Variants in ZNF441 observed in about 807,000 individuals in gnomAD.
The protein encoded by ZNF441 is zinc finger protein 441.
A neutral mutation model predicts 64.5 loss-of-function variants in ZNF441; 25 were observed. The ratio of observed to expected loss-of-function variants is 0.39; its 90% CI spans 0.28 to 0.54. The LOEUF (loss-of-function observed/expected upper bound fraction) is 0.54, where lower values mean the gene tolerates loss of function less well. Among genes scored for constraint, ZNF441 ranks in the 20% least tolerant of loss-of-function variants. The pLI, the probability that ZNF441 is intolerant of heterozygous loss-of-function variation, is 0.70. For missense variants in ZNF441, 715 were observed against 843.3 expected (o/e 0.85, Z 1.88); for synonymous variants, 262 against 268.0 (o/e 0.98, Z 0.22).
rs1267749907 is a variant in ZNF441, at chr19:11,767,422, G to A, written c.3+226G>A. ...CGGCCCTGGCCCTGGAGGCCTGTCT[G>A]GGCAGCTCCGCGCCCGCAGTCCTGC... On this transcript the variant is annotated intron_variant, in intron 1 of 3. Transcript: ENST00000357901. The surrounding 1 kb of genome is among the most constrained non-coding windows in gnomAD (Gnocchi z 5.1). Among the ~76,000 whole-genome samples the A allele has an allele frequency of 6.6e-6, 1 of 152,266 alleles. No individual in the cohort carries two copies. Among genetic ancestry groups the A allele is most frequent in the Non-Finnish European group, 1.5e-5 (1 of 68,052 alleles).
chr19:11,780,465 T>C lies in ZNF441; in HGVS notation c.641T>C (p.Leu214Pro), dbSNP rs1251443740. The change falls in exon 4 of 4, where the codon CTT becomes CCT. Residue 214 changes from leucine (L) to proline (P), a missense_variant. Physicochemically the swap from Leu to Pro is moderately conservative, Grantham distance 98. Coordinates refer to ENST00000357901, the MANE Select transcript of ZNF441 (RefSeq NM_152355.3). ...AFIWPSLFHM[L>P]RRTHTEEKPY... ...ATTTGGCCTAGTTTATTTCATATGC[T>C]TAGAAGAACTCACACTGAAGAGAAA... 1.9e-6 allele frequency: 3 copies of C among 1,614,028 alleles called. No homozygotes were observed. The highest frequency in any genetic ancestry group is 2.5e-6 in the Non-Finnish European group (3 of 1,180,022).
At chr19:11,768,909 C>T (rs536490812) in intron 1 of ZNF441, among the ~76,000 whole-genome samples, 11 of 152,294 alleles carry the variant, frequency 7.2e-5, no homozygotes, top group Non-Finnish European at 1.2e-4. Flanking sequence ...GACAGGAAAA[C>T]CAACTCCACT....
intron 1 of ZNF441, among the ~76,000 whole-genome samples, chr19:11,769,061 G>A (rs1975293191): frequency 6.6e-6 from 1 of 152,176 alleles, no homozygotes. Flanking sequence ...CACCCATAGG[G>A]AGGTGGTGAA....
chr19:11,780,959 T>C lies in ZNF441; in HGVS notation c.1135T>C (p.Cys379Arg), dbSNP rs1975397110. Residue 379 changes from cysteine to arginine, a missense_variant, in exon 4 of 4, where the codon TGT (cysteine) becomes CGT (arginine). Cys to Arg is a radical substitution (Grantham distance 180). This residue lies in a region of ZNF441 where 316 missense variants were observed against 429.3 expected (regional missense o/e 0.74). Transcript: ENST00000357901. ...GAAAGCCTTTGATTCTCCCAGTTTA[T>C]GTCGAAGGCATGAAACAACTCATAC... ...CGKAFDSPSLCRRHETTHTGE... is the reference protein window; with the variant it reads ...CGKAFDSPSLRRRHETTHTGE... The C allele has an allele frequency of 6.2e-7, 1 of 1,613,678 alleles. No homozygotes were observed. The highest frequency in any genetic ancestry group is 1.3e-5 in the African/African-American group (1 of 74,874).
At chr19:11,776,071 C>T (rs1210537894) in intron 1 of ZNF441, among the ~76,000 whole-genome samples, 1 of 152,162 alleles carries the variant, frequency 6.6e-6, no homozygotes, top group East Asian at 1.9e-4. Context: ...GAAGCAGTTC[C>T]TGCCAAGCTT....
chr19:11,769,368 C>T (rs1190659271), intron 1 of ZNF441, among the ~76,000 whole-genome samples: 1 of 152,154 alleles, frequency 6.6e-6, no homozygotes, highest in African/African-American at 2.4e-5. Flanking sequence ...TGTATCACTG[C>T]CTGGCAATAC....
chr19:11,775,628 C>CTTT lies in ZNF441; in HGVS notation c.4-1968_4-1966dup, dbSNP rs34732395. On this transcript the variant is annotated intron_variant, in intron 1 of 3. Coordinates refer to ENST00000357901, the MANE Select transcript of ZNF441 (RefSeq NM_152355.3). The stretch of plus-strand genomic sequence containing the variant: ...ACAGGCATGAGCCACCGCGCCCAGC[C>CTTT]TTTTTTTTTTTTTTTTTGTGACGGA... 2.5e-4 allele frequency among the ~76,000 whole-genome samples: 28 copies of CTTT among 110,636 alleles called. 1 individual carries two copies. Among genetic ancestry groups the CTTT allele is most frequent in the African/African-American group, 6.9e-4 (18 of 26,146 alleles). 72.6% of individuals were successfully genotyped at this position (110,636 alleles called of 152,430 possible). A position where few individuals can be genotyped will look rare whatever the true frequency, so the allele number is the denominator to read the frequency against.
At position 11,767,264 on chromosome 19, in the gene ZNF441, C is replaced by T; in HGVS notation, c.3+68C>T. 1.9e-6 allele frequency: 3 copies of T among 1,550,552 alleles called. No individual in the cohort carries two copies. The highest frequency in any genetic ancestry group is 2.4e-5 in the South Asian group (2 of 84,082). Reference sequence around the variant, plus strand: ...ACTGGTTGGAACCGGCCGGAACCGGCTGTGGTGGCACCAGGTCTTCCCCGC... The same window carrying T: ...ACTGGTTGGAACCGGCCGGAACCGGTTGTGGTGGCACCAGGTCTTCCCCGC... On this transcript the variant is annotated intron_variant, in intron 1 of 3. Coordinates refer to ENST00000357901, the MANE Select transcript of ZNF441 (RefSeq NM_152355.3). This position sits in a 1 kb window ranked among gnomAD's most constrained non-coding sequence, Gnocchi z 5.1.
intron 1 of ZNF441, among the ~76,000 whole-genome samples, chr19:11,773,801 T>G (rs1456606050): frequency 6.6e-6 from 1 of 152,180 alleles, no homozygotes; most frequent in African/African-American, 2.4e-5. Flanking sequence ...TTGCATATAT[T>G]TATCCAAACC....
In ZNF441 at chr19:11,767,615, G is replaced by A. The variant is rs1216274707; in HGVS notation, c.3+419G>A. ...ATGGGGTGTTTAGGGGTGTGGACAG[G>A]GGCGGCTGGGGCGTGGGGTCGCTGG... On this transcript the variant is annotated intron_variant, in intron 1 of 3. Coordinates refer to ENST00000357901, the MANE Select transcript of ZNF441 (RefSeq NM_152355.3). This position sits in a 1 kb window ranked among gnomAD's most constrained non-coding sequence, Gnocchi z 5.1. Among the ~76,000 whole-genome samples the A allele has an allele frequency of 1.3e-5, 2 of 152,184 alleles. No individual in the cohort carries two copies. Among genetic ancestry groups the A allele is most frequent in the Admixed American group, 1.3e-4 (2 of 15,278 alleles).
chr19:11,769,922 C>T (rs1396052874), intron 1 of ZNF441, among the ~76,000 whole-genome samples: 1 of 152,112 alleles, frequency 6.6e-6, no homozygotes, highest in Non-Finnish European at 1.5e-5. Flanking sequence ...GATCTGCCCA[C>T]CTCGGCCTCC....
In ZNF441 at chr19:11,767,031, C is replaced by A; in HGVS notation, c.-163C>A. On this transcript the variant is annotated 5_prime_UTR_variant, in exon 1 of 4. Coordinates refer to ENST00000357901, the MANE Select transcript of ZNF441 (RefSeq NM_152355.3). This position sits in a 1 kb window ranked among gnomAD's most constrained non-coding sequence, Gnocchi z 5.1. ...CAGGCGCACTGACCGGAGGAGGGTG[C>A]AAGGTTCAAAGAGCCCGCCGAGTCT... The A allele has an allele frequency of 9.7e-7, 1 of 1,030,760 alleles. No individual in the cohort carries two copies. The highest frequency in any genetic ancestry group is 1.4e-6 in the Non-Finnish European group (1 of 701,424). 63.9% of individuals were successfully genotyped at this position (1,030,760 alleles called of 1,614,324 possible).
chr19:11,775,742 C>G (rs1278133638), intron 1 of ZNF441, among the ~76,000 whole-genome samples: 6 of 151,702 alleles, frequency 4.0e-5, no homozygotes, highest in African/African-American at 1.2e-4. Flanking sequence ...ATTCTTGTCC[C>G]TAAGCCTCTC....
At chr19:11,773,108 A>G (rs12982845) in intron 1 of ZNF441, among the ~76,000 whole-genome samples, 73,601 of 151,916 alleles carry the variant, frequency 0.48, 19,179 homozygotes, top group African/African-American at 0.7. Flanking sequence ...AATTCTTTAC[A>G]TTTCCTTCTA....
At chr19:11,769,997 AT>A (rs1213529203) in intron 1 of ZNF441, among the ~76,000 whole-genome samples, 1 of 152,018 alleles carries the variant, frequency 6.6e-6, no homozygotes, top group East Asian at 1.9e-4. Flanking sequence ...TGATTTGCAG[AT>A]GGCATTCTTC....
In ZNF441 at chr19:11,777,757, T is replaced by C; in HGVS notation, c.130+20T>C. ...GTATAGGTAAGGATGTCATCATGTC[T>C]TCACTTAGTCAATTAGAGACATTTG... On this transcript the variant is annotated intron_variant, in intron 2 of 3. Coordinates refer to ENST00000357901, the MANE Select transcript of ZNF441 (RefSeq NM_152355.3). 1 of 1,594,060 alleles carries C rather than the reference T, an allele frequency of 6.3e-7. No homozygotes were observed. The highest frequency in any genetic ancestry group is 8.5e-7 in the Non-Finnish European group (1 of 1,173,404).
At position 11,767,111 on chromosome 19, in the gene ZNF441, C is replaced by T; in HGVS notation, c.-83C>T. 6.5e-7 allele frequency: 1 copy of T among 1,547,746 alleles called. No individual in the cohort carries two copies. Among genetic ancestry groups the T allele is most frequent in the Non-Finnish European group, 8.7e-7 (1 of 1,143,694 alleles). Reference sequence around the variant, plus strand: ...TCTGTCACTGAGAGACGCCCTGGAACGTCTGTGGCAGCTTCTGTCTCGCTG... The same window carrying T: ...TCTGTCACTGAGAGACGCCCTGGAATGTCTGTGGCAGCTTCTGTCTCGCTG... On this transcript the variant is annotated 5_prime_UTR_variant, in exon 1 of 4. It adds an upstream start codon to the 5' untranslated region. Transcript: ENST00000357901. The surrounding 1 kb of genome is among the most constrained non-coding windows in gnomAD (Gnocchi z 5.1).
Position 11,783,199 on chromosome 19 carries a change from A to T in ZNF441, c.*1293A>T, listed in dbSNP as rs575073014. 6.6e-6 allele frequency: 1 copy of T among 152,322 alleles called. No individual in the cohort carries two copies. Among genetic ancestry groups the T allele is most frequent in the African/African-American group, 2.4e-5 (1 of 41,582 alleles). The allele number at this position is 152,322 out of a possible 1,614,324, so 9.4% of individuals were successfully genotyped here. ...CAAAAAGTATATGGAAATATGTTCA[A>T]CATCACTAATGATTAGGAAAATGCA... On this transcript the variant is annotated 3_prime_UTR_variant, in exon 4 of 4. Coordinates refer to ENST00000357901, the MANE Select transcript of ZNF441 (RefSeq NM_152355.3).
rs1356037960 is a variant in ZNF441, at chr19:11,780,317, G to A, written c.493G>A (p.Gly165Arg). The A allele has an allele frequency of 1.2e-6, 2 of 1,614,040 alleles. No homozygotes were observed. The highest frequency in any genetic ancestry group is 2.7e-5 in the African/African-American group (2 of 74,916). Residue 165 changes from glycine to arginine, a missense_variant, in exon 4 of 4, where the codon GGA becomes AGA. Coordinates refer to ENST00000357901, the MANE Select transcript of ZNF441 (RefSeq NM_152355.3). The stretch of plus-strand genomic sequence containing the variant: ...TCAAATACATGAAAGACCTCAGCAT[G>A]GAAAGAAACTCTATGATTGTAAGGA... Reference protein sequence around the residue: ...CFQIHERPQHGKKLYDCKECA... With the variant: ...CFQIHERPQHRKKLYDCKECA...
Sources: gnomAD v4.1 joint callset for allele counts (sites outside exome capture counted in the v4.1 genomes callset) on GRCh38, gnomAD v4.1.1 for gene constraint, gnomAD v4.1.1 regional missense constraint, Gnocchi (gnomAD v3.1) non-coding constraint, MANE v1.5 for transcripts, NCBI Gene and HGNC (gene_info 2026-07-23, HGNC 2026-07-21) for gene names.